Variants in DST observed in about 807,000 individuals in gnomAD.
The protein encoded by DST is bullous pemphigoid antigen.
A neutral mutation model predicts 875.2 loss-of-function variants in DST; 253 were observed. The ratio of observed to expected loss-of-function variants is 0.29; its 90% confidence interval spans 0.26 to 0.32. The LOEUF (loss-of-function observed/expected upper bound fraction) is 0.32, where lower values mean the gene tolerates loss of function less well. Ranked by LOEUF, DST falls within the 10% of genes least tolerant of loss-of-function variation. The pLI is 1.00. For missense variants in DST, 8,287 were observed against 9,111.6 expected (o/e 0.91, Z 3.68); for synonymous variants, 3,124 against 3,197.1 (o/e 0.98, Z 0.77).
intron 5 of DST, among the ~76,000 whole-genome samples, chr6:56,719,711 T>C (rs1441558761): frequency 6.6e-6 from 1 of 151,998 alleles, no homozygotes. Context: ...GTTTGAGAAA[T>C]AAAGGGACAG....
intron 5 of DST, among the ~76,000 whole-genome samples, chr6:56,723,979 C>CA (rs1265030163): frequency 1.3e-5 from 2 of 152,112 alleles, no homozygotes; most frequent in African/African-American, 4.8e-5. Context: ...GTTTCCCTTC[C>CA]AAAAAACATG....
chr6:56,699,754 A>G lies in DST; in HGVS notation c.955-9T>C. The G allele has an allele frequency of 1.5e-6, 2 of 1,361,836 alleles. No homozygotes were observed. The highest frequency in any genetic ancestry group is 2.0e-6 in the Non-Finnish European group (2 of 1,006,458). 84.4% of individuals were successfully genotyped at this position (1,361,836 alleles called of 1,614,324 possible). ...ATATTCACTAATTTCACCTGTTTTG[A>G]ATGTGAAGAAGAGATAAAACCAACT... On this transcript the variant is annotated splice_polypyrimidine_tract_variant and intron_variant, in intron 8 of 103. Coordinates refer to ENST00000680361, the MANE Select transcript of DST (RefSeq NM_001374736.1).
At chr6:56,766,006 T>C (rs1339667088) in intron 4 of DST, among the ~76,000 whole-genome samples, 1 of 152,218 alleles carries the variant, frequency 6.6e-6, no homozygotes, top group Non-Finnish European at 1.5e-5. Flanking sequence ...TTGTCCTACT[T>C]AGCTAGTCAC....
At position 56,463,569 on chromosome 6, in the gene DST, G is replaced by A. The variant is rs760819112; in HGVS notation, c.22955C>T (p.Pro7652Leu). 1.8e-5 allele frequency: 29 copies of A among 1,582,098 alleles called. No individual in the cohort carries two copies. The highest frequency in any genetic ancestry group is 1.2e-4 in the Admixed American group (7 of 56,284). ...ASPQVPATTT[P>L]KILHPLTRNY... ...AGTCTTCATCCTGAGTCTTACCTTG[G>A]GTGTGGTGGTGGCAGGGACCTGTGG... Residue 7652 changes from proline to leucine, a missense_variant, in exon 101 of 104, where the codon CCC becomes CTC. Physicochemically the swap from Pro to Leu is moderately conservative, Grantham distance 98. Around this residue, in one of 10 missense-constraint regions of DST, gnomAD observed 240 missense variants for 237.3 expected, o/e 1.01. Coordinates refer to ENST00000680361, the MANE Select transcript of DST (RefSeq NM_001374736.1).
In DST at chr6:56,640,592, G is replaced by A. The variant is rs543868808; in HGVS notation, c.2041C>T (p.Arg681Cys). Residue 681 changes from arginine (R) to cysteine (C), a missense_variant, in exon 18 of 104, where the codon CGT (arginine) becomes TGT (cysteine). Coordinates refer to ENST00000680361, the MANE Select transcript of DST (RefSeq NM_001374736.1). ...TTCCTTAAGGCCATAATTTCGTCAC[G>A]CAGTTTTGCAACCCTGAAAAGAAAA... ...DQLVQRVAKL[R>C]DEIMALRNEC... 1.1e-5 allele frequency: 18 copies of A among 1,613,906 alleles called. No individual in the cohort carries two copies. Among genetic ancestry groups the A allele is most frequent in the Middle Eastern group, 1.6e-4 (1 of 6,062 alleles).
At chr6:56,536,126 A>C (rs1376554819) in intron 62 of DST, among the ~76,000 whole-genome samples, 1 of 152,226 alleles carries the variant, frequency 6.6e-6, no homozygotes, top group Non-Finnish European at 1.5e-5. Flanking sequence ...TAATTTTCTG[A>C]TAATTTATGT....
Position 56,601,521 on chromosome 6 carries a change from A to T in DST, c.11463T>A (p.Asp3821Glu), listed in dbSNP as rs747775037. 1 of 1,606,542 alleles carries T rather than the reference A, an allele frequency of 6.2e-7. No individual in the cohort carries two copies. Among genetic ancestry groups the T allele is most frequent in the Non-Finnish European group, 8.5e-7 (1 of 1,176,684 alleles). ...CCTGGGTAGTTACTGACTCCTGTACATCAAGAAAACACTTCTGAGTTGTAT... is the reference window on the plus strand; with the variant it reads ...CCTGGGTAGTTACTGACTCCTGTACTTCAAGAAAACACTTCTGAGTTGTAT... ...LLNTTQKCFL[D>E]VQESVTTQVE... is the part of the protein sequence containing the mutation. The change falls in exon 44 of 104, where the codon GAT becomes GAA. Residue 3821 changes from aspartate (D) to glutamate (E), a missense_variant. Around this residue, in one of 10 missense-constraint regions of DST, gnomAD observed 3,138 missense variants for 3,116.6 expected, o/e 1.01. Coordinates refer to ENST00000680361, the MANE Select transcript of DST (RefSeq NM_001374736.1).
At chr6:56,800,812 A>G (rs1194728311) in intron 4 of DST, among the ~76,000 whole-genome samples, 1 of 152,124 alleles carries the variant, frequency 6.6e-6, no homozygotes, top group Admixed American at 6.6e-5. Flanking sequence ...TGAGCCCAGG[A>G]GTTCGAGACC....
intron 5 of DST, among the ~76,000 whole-genome samples, chr6:56,712,346 C>T (rs2099372247): frequency 6.6e-6 from 1 of 152,138 alleles, no homozygotes; most frequent in African/African-American, 2.4e-5. Flanking sequence ...CATATCCTTA[C>T]TATGCTCACC....
In DST at chr6:56,605,719, G is replaced by A. The variant is rs746390852; in HGVS notation, c.8909C>T (p.Pro2970Leu). 3.1e-6 allele frequency: 5 copies of A among 1,612,816 alleles called. No homozygotes were observed. The highest frequency in any genetic ancestry group is 1.1e-5 in the South Asian group (1 of 91,048). The change falls in exon 40 of 104, where the codon CCA (proline) becomes CTA (leucine). Residue 2970 changes from proline to leucine, a missense_variant. Pro to Leu is a moderately conservative substitution (Grantham distance 98). Transcript: ENST00000680361. ...KVKLIQGSEL[P>L]ELTDSVKGKD... The stretch of plus-strand genomic sequence containing the variant: ...ACCTTTCACAGAATCAGTCAATTCT[G>A]GCAATTCTGACCCTTGAATCAACTT...
chr6:56,749,050 G>T (rs1435163744), intron 4 of DST, among the ~76,000 whole-genome samples: 1 of 152,176 alleles, frequency 6.6e-6, no homozygotes, highest in East Asian at 1.9e-4. Context: ...CAAGGTGATG[G>T]TATAAATCAA....
intron 4 of DST, among the ~76,000 whole-genome samples, chr6:56,836,860 A>G (rs1034403201): frequency 5.4e-5 from 8 of 147,794 alleles, no homozygotes; most frequent in South Asian, 2.1e-4. Context: ...CAAAAAAAAA[A>G]AAAGAAAGAA....
At chr6:56,547,104 A>T (rs144231283) in intron 61 of DST, among the ~76,000 whole-genome samples, 40 of 152,338 alleles carry the variant, frequency 2.6e-4, no homozygotes, top group Admixed American at 7.8e-4. Flanking sequence ...CAAAACTGAA[A>T]AGAGAACATG....
At position 56,598,543 on chromosome 6, in the gene DST, T is replaced by G; in HGVS notation, c.11861A>C (p.Lys3954Thr). The change falls in exon 46 of 104, where the codon AAA becomes ACA. Residue 3954 changes from lysine to threonine, a missense_variant. By Grantham distance (78) the Lys-to-Thr change is moderately conservative (BLOSUM62 -1). Transcript: ENST00000680361. ...AKIKCEQLNL[K>T]AEQSKKELDK... ...CAGCTCCTTTTTAGACTGTTCTGCT[T>G]TTAAATTAAGCTGTTCACACTTTAT... is the stretch of plus-strand genomic sequence containing the variant. The G allele has an allele frequency of 6.2e-7, 1 of 1,609,292 alleles. No individual in the cohort carries two copies. Among genetic ancestry groups the G allele is most frequent in the Non-Finnish European group, 8.5e-7 (1 of 1,177,684 alleles).
chr6:56,732,241 C>T (rs1266718983), intron 5 of DST, among the ~76,000 whole-genome samples: 2 of 152,088 alleles, frequency 1.3e-5, no homozygotes, highest in South Asian at 2.1e-4. Flanking sequence ...TATAGAGTGG[C>T]ATACACTTGG....
intron 55 of DST, among the ~76,000 whole-genome samples, chr6:56,565,533 G>A (rs1285097920): frequency 6.6e-6 from 1 of 152,046 alleles, no homozygotes; most frequent in African/African-American, 2.4e-5. Flanking sequence ...GCTTTTTTTG[G>A]TTGATAGGCT....
chr6:56,535,046 A>G, intron 63 of DST, 76 bp downstream of exon 63: 1 of 1,528,668 alleles, frequency 6.5e-7, no homozygotes, highest in Non-Finnish European at 9.0e-7. Context: ...ATTAATTAAA[A>G]GAGTCACAAT....
chr6:56,943,919 C>T (rs6906623), intron 2 of DST, among the ~76,000 whole-genome samples: 132,040 of 151,986 alleles, frequency 0.87, 57,529 homozygotes, highest in East Asian at 1. Flanking sequence ...GAGTTTGAGA[C>T]CAACCTGGCC....
intron 4 of DST, among the ~76,000 whole-genome samples, chr6:56,828,592 T>C (rs1347165576): frequency 2.0e-5 from 3 of 152,226 alleles, no homozygotes. Flanking sequence ...TATACACCAG[T>C]AAGAAACAAA....
Sources: gnomAD v4.1 joint callset for allele counts (sites outside exome capture counted in the v4.1 genomes callset) on GRCh38, gnomAD v4.1.1 for gene constraint, gnomAD v4.1.1 regional missense constraint, MANE v1.5 for transcripts, NCBI Gene and HGNC (gene_info 2026-07-23, HGNC 2026-07-21) for gene names.